The following PTPRD variants were observed in gnomAD, a reference collection of about 807,000 sequenced individuals.
PTPRD encodes protein tyrosine phosphatase receptor type D.
A neutral mutation model predicts 214.5 loss-of-function variants in PTPRD; 34 were observed. The observed-to-expected ratio is 0.16, with a 90% confidence interval of 0.12 to 0.21. PTPRD has a LOEUF of 0.21. PTPRD is among the 10% of genes least tolerant of loss of function. The probability of loss-of-function intolerance (pLI) is 1.00; values close to 1 mark genes in which losing one functional copy is unlikely to be tolerated. For missense variants in PTPRD, 2,545 were observed against 2,398.7 expected (o/e 1.06, Z -1.27); for synonymous variants, 1,128 against 845.7 (o/e 1.33, Z -5.79).
intron 10 of PTPRD, among the ~76,000 whole-genome samples, chr9:9,153,919 A>G (rs1181607116): frequency 2.0e-5 from 3 of 152,150 alleles, no homozygotes; most frequent in East Asian, 3.8e-4. Context: ...AGATGGTGTT[A>G]TTGTTCTGCA....
Position 8,353,939 on chromosome 9 carries a change from T to C in PTPRD, c.4662-11961A>G, listed in dbSNP as rs1293389745. Among the ~76,000 whole-genome samples the C allele has an allele frequency of 7.5e-4, 6 of 7,974 alleles. 1 individual carries two copies. Among genetic ancestry groups the C allele is most frequent in the Non-Finnish European group, 2.3e-3 (6 of 2,620 alleles). The allele number at this position is 7,974 out of a possible 152,430, so 5.2% of individuals were successfully genotyped here. ...ATATGTATATATATGTGTGTGTACA[T>C]ATATATATATATATATATATATATG... On this transcript the variant is annotated intron_variant, in intron 39 of 45. Coordinates refer to ENST00000381196, the MANE Select transcript of PTPRD (RefSeq NM_002839.4).
chr9:10,310,864 A>T (rs1000762866), intron 3 of PTPRD, among the ~76,000 whole-genome samples: 3 of 152,068 alleles, frequency 2.0e-5, no homozygotes, highest in African/African-American at 7.2e-5. Flanking sequence ...ATATGTTGTT[A>T]CTCTGGGCAG....
chr9:9,737,036 A>T (rs2098311022), intron 6 of PTPRD, among the ~76,000 whole-genome samples: 1 of 152,078 alleles, frequency 6.6e-6, no homozygotes, highest in Non-Finnish European at 1.5e-5. Context: ...TTTTTATGTT[A>T]TGATTACTTT....
At chr9:8,321,580 T>C (rs1183839952) in intron 44 of PTPRD, among the ~76,000 whole-genome samples, 1 of 144,758 alleles carries the variant, frequency 6.9e-6, no homozygotes, top group African/African-American at 2.5e-5. Flanking sequence ...AATATTAAAA[T>C]TATTTTATGA....
intron 9 of PTPRD, among the ~76,000 whole-genome samples, chr9:9,197,997 T>C (rs775114438): frequency 2.6e-4 from 39 of 152,132 alleles, no homozygotes; most frequent in Non-Finnish European, 4.4e-4. Flanking sequence ...TCTAGAAAAA[T>C]AATAATTTCA....
At chr9:9,344,334 G>T (rs960493470) in intron 9 of PTPRD, among the ~76,000 whole-genome samples, 1 of 151,930 alleles carries the variant, frequency 6.6e-6, no homozygotes, top group African/African-American at 2.4e-5. Flanking sequence ...CGGGGGTTTG[G>T]GGGGAAAGGG....
At chr9:9,851,831 G>T (rs1296593624) in intron 5 of PTPRD, among the ~76,000 whole-genome samples, 7 of 152,184 alleles carry the variant, frequency 4.6e-5, no homozygotes, top group African/African-American at 1.7e-4. Context: ...ATATGTGTTT[G>T]TTGCTTCTTA....
At position 10,224,801 on chromosome 9, in the gene PTPRD, G is replaced by A. The variant is rs115389749; in HGVS notation, c.-545+116162C>T. On this transcript the variant is annotated intron_variant, in intron 3 of 45. Coordinates refer to ENST00000381196, the MANE Select transcript of PTPRD (RefSeq NM_002839.4). Reference sequence around the variant, plus strand: ...AACTCAGTATGAACACAATGAGGATGAAGACCTTTATGATGATCCACCTCT... The same window carrying A: ...AACTCAGTATGAACACAATGAGGATAAAGACCTTTATGATGATCCACCTCT... 2.9e-3 allele frequency among the ~76,000 whole-genome samples: 446 copies of A among 152,074 alleles called. 3 individuals carry two copies. Among genetic ancestry groups the A allele is most frequent in the African/African-American group, 0.01 (433 of 41,518 alleles).
intron 10 of PTPRD, among the ~76,000 whole-genome samples, chr9:9,041,473 T>A (rs1414123180): frequency 1.3e-5 from 2 of 152,176 alleles, no homozygotes; most frequent in Non-Finnish European, 2.9e-5. Flanking sequence ...GTATTTGATT[T>A]TCTGTTCCTG....
At chr9:8,830,766 A>G (rs1223193261) in intron 11 of PTPRD, among the ~76,000 whole-genome samples, 1 of 152,146 alleles carries the variant, frequency 6.6e-6, no homozygotes, top group Non-Finnish European at 1.5e-5. Flanking sequence ...GATATTCACA[A>G]TCAAATCCGT....
At chr9:8,354,128 A>G (rs1053236491) in intron 39 of PTPRD, among the ~76,000 whole-genome samples, 4 of 151,426 alleles carry the variant, frequency 2.6e-5, no homozygotes, top group African/African-American at 9.7e-5. Flanking sequence ...TACCTTATTT[A>G]TATTTATCCA....
intron 11 of PTPRD, among the ~76,000 whole-genome samples, chr9:8,784,355 A>T (rs2095854754): frequency 6.6e-6 from 1 of 152,224 alleles, no homozygotes; most frequent in African/African-American, 2.4e-5. Flanking sequence ...GCATGCTATT[A>T]CGTGTGTTCT....
At chr9:9,793,937 A>G (rs539443870) in intron 5 of PTPRD, among the ~76,000 whole-genome samples, 32 of 152,054 alleles carry the variant, frequency 2.1e-4, no homozygotes, top group Admixed American at 3.9e-4. Flanking sequence ...CTAAAATATA[A>G]GAGTATCAAA....
intron 7 of PTPRD, among the ~76,000 whole-genome samples, chr9:9,712,699 C>A (rs2154425876): frequency 1.3e-5 from 2 of 152,282 alleles, no homozygotes; most frequent in South Asian, 4.1e-4. Flanking sequence ...CAAAAGTTCT[C>A]TTAGTTTATC....
At chr9:9,786,504 A>C (rs549781587) in intron 5 of PTPRD, among the ~76,000 whole-genome samples, 34 of 152,328 alleles carry the variant, frequency 2.2e-4, no homozygotes, top group Admixed American at 7.8e-4. Flanking sequence ...TAATACTGAA[A>C]ACAGCATGTG....
intron 10 of PTPRD, among the ~76,000 whole-genome samples, chr9:9,058,973 T>C (rs1272369583): frequency 6.6e-6 from 1 of 151,864 alleles, no homozygotes; most frequent in African/African-American, 2.4e-5. Flanking sequence ...GAAGAGGAGA[T>C]TTGAAGGAAT....
intron 3 of PTPRD, among the ~76,000 whole-genome samples, chr9:10,192,803 G>A (rs2099374925): frequency 1.3e-5 from 2 of 152,120 alleles, no homozygotes; most frequent in African/African-American, 4.8e-5. Flanking sequence ...TGAAACCAAT[G>A]TTAATGAGGA....
intron 3 of PTPRD, among the ~76,000 whole-genome samples, chr9:10,340,020 C>G (rs1240318682): frequency 6.6e-6 from 1 of 151,742 alleles, no homozygotes; most frequent in Admixed American, 6.6e-5. Flanking sequence ...GGTTTCTGTT[C>G]ATACTCTCCT....
intron 11 of PTPRD, among the ~76,000 whole-genome samples, chr9:8,931,154 G>C (rs949604079): frequency 3.3e-5 from 5 of 151,820 alleles, no homozygotes; most frequent in Admixed American, 2.6e-4. Context: ...TGTAAGGAAG[G>C]GATCCAGTTT....
Sources: allele counts gnomAD v4.1 joint callset (sites outside exome capture counted in the v4.1 genomes callset), GRCh38; gene constraint gnomAD v4.1.1; transcripts MANE v1.5; gene names NCBI Gene and HGNC (gene_info 2026-07-23, HGNC 2026-07-21).